Variants in BUD23 observed in about 807,000 individuals in gnomAD.
The protein encoded by BUD23 is 18S rRNA (guanine-N(7))-methyltransferase.
A neutral mutation model predicts 47.0 loss-of-function variants in BUD23; 34 were observed. The observed-to-expected ratio is 0.72, with a 90% CI of 0.55 to 0.96. BUD23 has a LOEUF of 0.96. BUD23 is among the 40% of genes least tolerant of loss of function. The pLI is 0.00. For missense variants in BUD23, 343 were observed against 361.2 expected, an observed-to-expected ratio of 0.95 and a Z score of 0.41; for synonymous variants, 124 against 132.0, an observed-to-expected ratio of 0.94 and a Z score of 0.41.
intron 5 of BUD23, among the ~76,000 whole-genome samples, chr7:73,687,693 C>T (rs562333170): frequency 1.3e-5 from 2 of 152,308 alleles, no homozygotes; most frequent in South Asian, 4.1e-4. Context: ...CCTCTTTCTT[C>T]CTGCTTTTAG....
Position 73,697,895 on chromosome 7 carries a change from G to A in BUD23, c.*9G>A, listed in dbSNP as rs550272915. 1.5e-5 allele frequency: 24 copies of A among 1,612,546 alleles called. No homozygotes were observed. Among genetic ancestry groups the A allele is most frequent in the Middle Eastern group, 1.7e-4 (1 of 5,898 alleles). ...GCAAGCCCCGCTTCTAAGTCACCACGCGGTTCTGGAAAGGCACTTGCCTCT... is the reference window on the plus strand; with the variant it reads ...GCAAGCCCCGCTTCTAAGTCACCACACGGTTCTGGAAAGGCACTTGCCTCT... On this transcript the variant is annotated 3_prime_UTR_variant, in exon 12 of 12. Transcript: ENST00000265758.
intron 5 of BUD23, among the ~76,000 whole-genome samples, chr7:73,689,251 G>A (rs954328029): frequency 2.6e-5 from 4 of 152,182 alleles, no homozygotes; most frequent in Admixed American, 6.5e-5. Flanking sequence ...GTTTCACCAT[G>A]TTGGCCAGGC....
chr7:73,692,758 T>C (rs1230438810), intron 7 of BUD23, 112 bp downstream of exon 7: 2 of 1,066,990 alleles, frequency 1.9e-6, no homozygotes, highest in Non-Finnish European at 2.8e-6. Flanking sequence ...GGAGGAAACA[T>C]GCACCCTAGT....
chr7:73,693,278 GTCTGCTCCTC>G, intron 7 of BUD23, 41 bp from the exon 8 acceptor site: 1 of 1,528,816 alleles, frequency 6.5e-7, no homozygotes. Context: ...AGGTGAAGCT[GTCTGCTCCTC>G]TCAACCTCCG....
In BUD23 at chr7:73,693,371, G is replaced by A. The variant is rs375711686; in HGVS notation, c.553G>A (p.Gly185Ser). The change falls in exon 8 of 12, where the codon GGT becomes AGT. Residue 185 changes from glycine (G) to serine (S), a missense_variant. Coordinates refer to ENST00000265758, the MANE Select transcript of BUD23 (RefSeq NM_017528.5). ...TTQATKAGFS[G>S]GMVVDYPNSA... ...CCAGGCCACAAAGGCAGGCTTCTCC[G>A]GTGGCATGGTGGTAGACTACCCTAA... 1.5e-5 allele frequency: 24 copies of A among 1,614,134 alleles called. No homozygotes were observed. The highest frequency in any genetic ancestry group is 5.3e-5 in the African/African-American group (4 of 75,040).
intron 7 of BUD23, chr7:73,692,858 C>G: frequency 1.8e-6 from 1 of 569,036 alleles, no homozygotes; most frequent in African/African-American, 1.9e-5. Context: ...TGGCAGATGA[C>G]ATGGTATTAC....
intron 6 of BUD23, 83 bp downstream of exon 6, chr7:73,691,095 C>T (rs1386658424): frequency 1.6e-6 from 2 of 1,243,108 alleles, no homozygotes; most frequent in Non-Finnish European, 1.2e-6. Context: ...ATTGAGGTGT[C>T]CCATGATGGG....
rs1554611996 is a variant in BUD23 at position 73,683,599 on chromosome 7, T to G, written c.-27T>G. ...AAAACCGGGTGCCGGCAGGCGCCAG[T>G]CGCAGGTGTGCTGCTGAGGCGTGAG... On this transcript the variant is annotated 5_prime_UTR_variant, in exon 1 of 12. Transcript: ENST00000265758. 1.3e-6 allele frequency: 2 copies of G among 1,593,788 alleles called. No individual in the cohort carries two copies. The highest frequency in any genetic ancestry group is 2.2e-5 in the South Asian group (2 of 89,576).
At position 73,691,133 on chromosome 7, in the gene BUD23, G is replaced by A. The variant is rs755090663; in HGVS notation, c.459+121G>A. 5 of 819,512 alleles carry A rather than the reference G, an allele frequency of 6.1e-6. No individual in the cohort carries two copies. The South Asian group carries it at 6.3e-5, about 10-fold the overall frequency. 50.8% of individuals were successfully genotyped at this position (819,512 alleles called of 1,614,324 possible). On this transcript the variant is annotated intron_variant, in intron 6 of 11. Coordinates refer to ENST00000265758, the MANE Select transcript of BUD23 (RefSeq NM_017528.5). Reference sequence around the variant, plus strand: ...AGCTACTCATATGGGACCGCATGGGGTGGCAGGACCTTACTGTGGTTACTT... The same window carrying A: ...AGCTACTCATATGGGACCGCATGGGATGGCAGGACCTTACTGTGGTTACTT...
At chr7:73,688,430 C>T (rs567198918) in intron 5 of BUD23, among the ~76,000 whole-genome samples, 102 of 152,314 alleles carry the variant, frequency 6.7e-4, no homozygotes, top group African/African-American at 2.3e-3. Flanking sequence ...TCTGTGTCAG[C>T]TTTGTGTGTC....
At chr7:73,687,338 G>A (rs1798015097) in intron 5 of BUD23, among the ~76,000 whole-genome samples, 1 of 152,160 alleles carries the variant, frequency 6.6e-6, no homozygotes. Flanking sequence ...GTGCAGTGGT[G>A]TGATCTTGGC....
chr7:73,696,502 C>T (rs7778762), intron 10 of BUD23: 39,939 of 152,076 alleles, frequency 0.26, 6,371 homozygotes, highest in South Asian at 0.35. Flanking sequence ...CTCAGCTATT[C>T]AAAAAGTAGG....
In BUD23 at chr7:73,697,951, T is replaced by C; in HGVS notation, c.*65T>C. 6.5e-7 allele frequency: 1 copy of C among 1,538,084 alleles called. No individual in the cohort carries two copies. The highest frequency in any genetic ancestry group is 2.3e-5 in the East Asian group (1 of 44,156). On this transcript the variant is annotated 3_prime_UTR_variant, in exon 12 of 12. Coordinates refer to ENST00000265758, the MANE Select transcript of BUD23 (RefSeq NM_017528.5). ...TTTCTATATTGTTCAGCTGACAAAGTAGTATTTTAGAAAAGTTCTAAAGTT... is the reference window on the plus strand; with the variant it reads ...TTTCTATATTGTTCAGCTGACAAAGCAGTATTTTAGAAAAGTTCTAAAGTT...
intron 2 of BUD23, among the ~76,000 whole-genome samples, chr7:73,684,857 G>T (rs1311458470): frequency 6.2e-5 from 9 of 145,546 alleles, no homozygotes; most frequent in African/African-American, 2.3e-4. Flanking sequence ...CCGGGAGGGG[G>T]AGGTTGCAGT....
intron 5 of BUD23, among the ~76,000 whole-genome samples, chr7:73,688,106 C>T (rs540250508): frequency 6.6e-6 from 1 of 152,088 alleles, no homozygotes. Flanking sequence ...CCATGTTAGC[C>T]AGGATGGTCT....
chr7:73,693,220 C>G, intron 7 of BUD23, 109 bp from the exon 8 acceptor site: 1 of 1,047,994 alleles, frequency 9.5e-7, no homozygotes. Context: ...TAAGTTCTCC[C>G]AGGCAGGATT....
intron 2 of BUD23, among the ~76,000 whole-genome samples, chr7:73,684,817 G>T (rs1554612572): frequency 6.6e-6 from 1 of 150,414 alleles, no homozygotes; most frequent in African/African-American, 2.4e-5. Flanking sequence ...CCAGCTACTC[G>T]GGAGGCTGAG....
intron 5 of BUD23, among the ~76,000 whole-genome samples, chr7:73,690,415 G>T (rs933219379): frequency 6.6e-6 from 1 of 152,162 alleles, no homozygotes; most frequent in Non-Finnish European, 1.5e-5. Flanking sequence ...GTAGTCTAAA[G>T]CCTGTTTCCT....
intron 2 of BUD23, among the ~76,000 whole-genome samples, chr7:73,684,836 A>G (rs1797887168): frequency 6.9e-6 from 1 of 145,952 alleles, no homozygotes; most frequent in African/African-American, 2.5e-5. Flanking sequence ...AGGCAGGAGA[A>G]TAGCTTGAAC....
Sources: allele counts gnomAD v4.1 joint callset (sites outside exome capture counted in the v4.1 genomes callset), GRCh38; gene constraint gnomAD v4.1.1; transcripts MANE v1.5; gene names NCBI Gene and HGNC (gene_info 2026-07-23, HGNC 2026-07-21).